Variants in UTRN observed in about 807,000 individuals in gnomAD.
UTRN encodes the protein dystrophin-related protein 1.
UTRN carries 283 observed loss-of-function variants against 463.9 expected under a neutral mutation model. That is an observed-to-expected ratio of 0.61 (90% confidence interval 0.55 to 0.67). UTRN has a LOEUF of 0.67. Among genes scored for constraint, UTRN ranks in the 30% least tolerant of loss-of-function variants. UTRN has a pLI of 0.00. For synonymous variants in UTRN, 1,442 were observed against 1,431.5 expected, an observed-to-expected ratio of 1.01 and a Z score of -0.17; for missense variants, 3,922 against 4,084.3, an observed-to-expected ratio of 0.96 and a Z score of 1.08.
intron 65 of UTRN, among the ~76,000 whole-genome samples, chr6:144,808,943 A>T (rs886823965): frequency 7.9e-5 from 12 of 152,058 alleles, no homozygotes; most frequent in African/African-American, 2.9e-4. Context: ...TATCTTGGCT[A>T]TTGTGAATAA....
intron 55 of UTRN, among the ~76,000 whole-genome samples, chr6:144,751,572 T>G (rs865896894): frequency 1.2e-4 from 18 of 152,164 alleles, no homozygotes; most frequent in Non-Finnish European, 2.2e-4. Flanking sequence ...GGAACCTGCA[T>G]GTAGGAAAAG....
chr6:144,735,253 G>A (rs1389557818), intron 54 of UTRN, among the ~76,000 whole-genome samples: 1 of 152,178 alleles, frequency 6.6e-6, no homozygotes, highest in African/African-American at 2.4e-5. Flanking sequence ...GGGTCAGAGT[G>A]GAGAGAGGTT....
chr6:144,849,079 T>G (rs1782267532), intron 74 of UTRN, among the ~76,000 whole-genome samples: 1 of 151,906 alleles, frequency 6.6e-6, no homozygotes, highest in Non-Finnish European at 1.5e-5. Context: ...AGATATTGAT[T>G]AGAGCAAGTA....
chr6:144,386,759 C>A (rs1018450067), intron 2 of UTRN, among the ~76,000 whole-genome samples: 1 of 151,912 alleles, frequency 6.6e-6, no homozygotes. Flanking sequence ...TGCATTTTAG[C>A]GGATGTGCAA....
intron 63 of UTRN, among the ~76,000 whole-genome samples, chr6:144,794,499 TATATTCACC>T (rs1221217155): frequency 2.6e-5 from 4 of 152,226 alleles, no homozygotes; most frequent in Non-Finnish European, 5.9e-5. Flanking sequence ...ATTTTCCTAT[TATATTCACC>T]TAATATCGTC....
chr6:144,475,024 A>G (rs1483287836), intron 25 of UTRN, among the ~76,000 whole-genome samples: 1 of 152,210 alleles, frequency 6.6e-6, no homozygotes, highest in African/African-American at 2.4e-5. Context: ...TTTACCCCTA[A>G]GACATTTGAG....
intron 51 of UTRN, among the ~76,000 whole-genome samples, chr6:144,580,518 T>C (rs1254903606): frequency 1.3e-5 from 2 of 152,184 alleles, no homozygotes; most frequent in African/African-American, 4.8e-5. Context: ...TATGCTATGA[T>C]ACATGCCATT....
At chr6:144,419,936 C>G (rs1195769877) in intron 3 of UTRN, among the ~76,000 whole-genome samples, 2 of 150,904 alleles carry the variant, frequency 1.3e-5, no homozygotes, top group African/African-American at 2.4e-5. Flanking sequence ...TAATTCAGGT[C>G]TCTTCAGGTA....
At chr6:144,453,422 C>T (rs561584995) in intron 18 of UTRN, among the ~76,000 whole-genome samples, 2 of 152,286 alleles carry the variant, frequency 1.3e-5, no homozygotes, top group Admixed American at 1.3e-4. Context: ...CATGCCCAGC[C>T]TATCCTTTTT....
chr6:144,660,041 G>A (rs1779711702), intron 51 of UTRN: 1 of 352,758 alleles, frequency 2.8e-6, no homozygotes, highest in South Asian at 2.3e-5. Context: ...ACAGTGGGGT[G>A]GCTAAAATGT....
In UTRN at chr6:144,462,730, A is replaced by T. The variant is rs1460386206; in HGVS notation, c.2930A>T (p.Asn977Ile). Reference sequence around the variant, plus strand: ...GAAGAAACAAAGGCTCTGGAGAAAAATGTTCATCCTGATGTAGAAAAATTA... The same window carrying T: ...GAAGAAACAAAGGCTCTGGAGAAAATTGTTCATCCTGATGTAGAAAAATTA... ...LAEETKALEK[N>I]VHPDVEKLYK... Residue 977 changes from asparagine (N) to isoleucine (I), a missense_variant, in exon 23 of 75, where the codon AAT becomes ATT. Around this residue, in one of 3 missense-constraint regions of UTRN, gnomAD observed 2,349 missense variants for 2,303.8 expected, o/e 1.02. Transcript: ENST00000367545. 4 of 1,611,614 alleles carry T rather than the reference A, an allele frequency of 2.5e-6. No individual in the cohort carries two copies. The highest frequency in any genetic ancestry group is 3.4e-6 in the Non-Finnish European group (4 of 1,179,452).
At chr6:144,518,828 G>A (rs1265463224) in intron 39 of UTRN, among the ~76,000 whole-genome samples, 3 of 152,190 alleles carry the variant, frequency 2.0e-5, no homozygotes, top group African/African-American at 4.8e-5. Context: ...ATTGGTAGGC[G>A]AACTATGTTA....
intron 73 of UTRN, among the ~76,000 whole-genome samples, chr6:144,842,917 A>G (rs1359079776): frequency 6.6e-6 from 1 of 152,056 alleles, no homozygotes; most frequent in Non-Finnish European, 1.5e-5. Flanking sequence ...GAATGCTCAC[A>G]TGCTACCAGA....
At chr6:144,331,747 C>T (rs537599313) in intron 2 of UTRN, among the ~76,000 whole-genome samples, 1 of 152,266 alleles carries the variant, frequency 6.6e-6, no homozygotes, top group South Asian at 2.1e-4. Flanking sequence ...ATACTATGTG[C>T]TGTGGGACCA....
At chr6:144,342,262 G>A (rs1777191687) in intron 2 of UTRN, among the ~76,000 whole-genome samples, 3 of 151,940 alleles carry the variant, frequency 2.0e-5, no homozygotes, top group Admixed American at 2.0e-4. Context: ...TGCAACTTTG[G>A]AAAGCTGTCT....
chr6:144,403,057 T>C (rs1584631334), intron 2 of UTRN, 66 bp from the exon 3 acceptor site: 1 of 1,422,060 alleles, frequency 7.0e-7, no homozygotes, highest in Non-Finnish European at 9.8e-7. Context: ...GATAACCTTA[T>C]TTGGTGCTTT....
At chr6:144,430,479 A>G (rs1336649914) in intron 9 of UTRN, among the ~76,000 whole-genome samples, 1 of 152,176 alleles carries the variant, frequency 6.6e-6, no homozygotes, top group African/African-American at 2.4e-5. Context: ...ACCAAGACAT[A>G]CATGTAGATT....
intron 52 of UTRN, among the ~76,000 whole-genome samples, chr6:144,696,768 C>T (rs753229805): frequency 5.9e-5 from 9 of 152,090 alleles, no homozygotes; most frequent in Non-Finnish European, 7.4e-5. Flanking sequence ...GTGGGTGCTC[C>T]GTAAATGTTT....
Position 144,485,728 on chromosome 6 carries a change from G to A in UTRN, c.3822+209G>A, listed in dbSNP as rs80344853. Among the ~76,000 whole-genome samples, 259 of 152,284 alleles carry A rather than the reference G, an allele frequency of 1.7e-3. 2 individuals are homozygous for A. In the South Asian group the frequency reaches 0.031, roughly 18 times the overall value. On this transcript the variant is annotated intron_variant, in intron 28 of 74. Transcript: ENST00000367545. ...TGACCCATTATATCAGCCTCAAGACGTGGTTAGCTGTTTGACATCTTACAT... is the reference window on the plus strand; with the variant it reads ...TGACCCATTATATCAGCCTCAAGACATGGTTAGCTGTTTGACATCTTACAT...
Sources: gnomAD v4.1 joint callset for allele counts (sites outside exome capture counted in the v4.1 genomes callset) on GRCh38, gnomAD v4.1.1 for gene constraint, gnomAD v4.1.1 regional missense constraint, MANE v1.5 for transcripts, NCBI Gene and HGNC (gene_info 2026-07-23, HGNC 2026-07-21) for gene names.